The following ACBD6 variants were observed in gnomAD, a reference collection of about 807,000 sequenced individuals.
ACBD6 encodes acyl-CoA binding domain containing 6, also known as acyl-CoA-binding domain-containing protein 6.
Under a neutral mutation model 37.2 loss-of-function variants are expected in ACBD6, and 28 were observed. The observed-to-expected ratio is 0.75, with a 90% CI of 0.56 to 1.03. ACBD6 has a LOEUF of 1.03. Among genes scored for constraint, ACBD6 ranks in the 50% least tolerant of loss-of-function variants. The pLI is 0.00. For missense variants in ACBD6, 340 were observed against 337.4 expected (o/e 1.01, Z -0.06); for synonymous variants, 113 against 126.8 (o/e 0.89, Z 0.73).
At chr1:180,429,972 C>A (rs1466657292) in intron 4 of ACBD6, among the ~76,000 whole-genome samples, 1 of 152,100 alleles carries the variant, frequency 6.6e-6, no homozygotes, top group Non-Finnish European at 1.5e-5. Context: ...AGATTATACA[C>A]CTAAAAAATT....
chr1:180,401,796 A>AG (rs1375516654), intron 5 of ACBD6, among the ~76,000 whole-genome samples: 1 of 151,608 alleles, frequency 6.6e-6, no homozygotes, highest in Non-Finnish European at 1.5e-5. Flanking sequence ...CAGAAAAAAA[A>AG]AAAAAAAATG....
At chr1:180,294,666 A>G (rs139331675) in intron 7 of ACBD6, among the ~76,000 whole-genome samples, 1 of 151,296 alleles carries the variant, frequency 6.6e-6, no homozygotes, top group African/African-American at 2.4e-5. Context: ...ATGTACTGAT[A>G]TCCTTTCATT....
At chr1:180,407,287 C>A (rs73035587) in intron 5 of ACBD6, among the ~76,000 whole-genome samples, 2 of 152,120 alleles carry the variant, frequency 1.3e-5, no homozygotes, top group Non-Finnish European at 2.9e-5. Flanking sequence ...TGAAATACAA[C>A]GTTCTGGCAG....
chr1:180,451,057 A>T (rs1387079356), intron 3 of ACBD6, among the ~76,000 whole-genome samples: 2 of 152,224 alleles, frequency 1.3e-5, no homozygotes, highest in Non-Finnish European at 2.9e-5. Context: ...AATAACCAAT[A>T]AATTCATTCT....
rs540221649 is a variant in ACBD6, at chr1:180,436,602, G to C, written c.385-6340C>G. Among the ~76,000 whole-genome samples the C allele has an allele frequency of 7.9e-5, 12 of 152,216 alleles. No homozygotes were observed. In the East Asian group the frequency reaches 2.3e-3, roughly 29 times the overall value. On this transcript the variant is annotated intron_variant, in intron 3 of 7. Coordinates refer to ENST00000367595, the MANE Select transcript of ACBD6 (RefSeq NM_032360.4). ...GAGCTCCACCTATAAGCTTAGAAGT[G>C]TCTGTATGATTGTAATCACATGGTG...
Position 180,288,251 on chromosome 1 carries a change from T to C in ACBD6, c.*112A>G. 1.4e-6 allele frequency: 2 copies of C among 1,461,962 alleles called. No individual in the cohort carries two copies. Among genetic ancestry groups the C allele is most frequent in the Non-Finnish European group, 9.4e-7 (1 of 1,062,154 alleles). 90.6% of individuals were successfully genotyped at this position (1,461,962 alleles called of 1,614,324 possible). A position where few individuals can be genotyped will look rare whatever the true frequency, so the allele number is the denominator to read the frequency against. On this transcript the variant is annotated 3_prime_UTR_variant, in exon 8 of 8. Coordinates refer to ENST00000367595, the MANE Select transcript of ACBD6 (RefSeq NM_032360.4). ...AAAATCCCAGTTCCACAGAACTGAT[T>C]TTATTAGCCAATACATACCAAAGAC...
chr1:180,423,586 T>C (rs1177664019), intron 4 of ACBD6, among the ~76,000 whole-genome samples: 2 of 152,108 alleles, frequency 1.3e-5, no homozygotes, highest in African/African-American at 4.8e-5. Flanking sequence ...TTTCTCACAA[T>C]CTTTCAATAA....
chr1:180,423,934 G>C (rs569646261), intron 4 of ACBD6, among the ~76,000 whole-genome samples: 6 of 151,994 alleles, frequency 3.9e-5, no homozygotes, highest in South Asian at 4.1e-4. Context: ...CGATCCAAAG[G>C]AAATATCATC....
At chr1:180,381,829 C>T (rs900824561) in intron 6 of ACBD6, among the ~76,000 whole-genome samples, 4 of 151,984 alleles carry the variant, frequency 2.6e-5, no homozygotes, top group Non-Finnish European at 4.4e-5. Context: ...CAAGAACACC[C>T]AGGTGCAGTG....
intron 5 of ACBD6, among the ~76,000 whole-genome samples, chr1:180,412,826 C>A (rs1647914514): frequency 6.6e-6 from 1 of 152,078 alleles, no homozygotes; most frequent in Non-Finnish European, 1.5e-5. Context: ...TGAGCGCACC[C>A]ATGCACTCCA....
intron 6 of ACBD6, among the ~76,000 whole-genome samples, chr1:180,342,903 A>T (rs974512901): frequency 6.6e-6 from 1 of 152,016 alleles, no homozygotes; most frequent in African/African-American, 2.4e-5. Flanking sequence ...TTCTAGATTT[A>T]AATTGATTGA....
intron 3 of ACBD6, among the ~76,000 whole-genome samples, chr1:180,459,154 C>G (rs1042816526): frequency 6.6e-6 from 1 of 152,132 alleles, no homozygotes; most frequent in Non-Finnish European, 1.5e-5. Context: ...GGTAGTCTAA[C>G]AGATAACTTA....
chr1:180,356,758 G>T (rs1165196223), intron 6 of ACBD6, among the ~76,000 whole-genome samples: 1 of 151,656 alleles, frequency 6.6e-6, no homozygotes, highest in Admixed American at 6.6e-5. Context: ...GCTGAGGTGG[G>T]AGGATGGCTT....
At position 180,397,611 on chromosome 1, in the gene ACBD6, A is replaced by C; in HGVS notation, c.574-6T>G. On this transcript the variant is annotated splice_polypyrimidine_tract_variant and splice_region_variant and intron_variant, in intron 5 of 7. Coordinates refer to ENST00000367595, the MANE Select transcript of ACBD6 (RefSeq NM_032360.4). Reference sequence around the variant, plus strand: ...CAGTGAAGTAGAGCCCTACCCTAAAAACACAGAAGATAAATGAATTTGTTA... The same window carrying C: ...CAGTGAAGTAGAGCCCTACCCTAAACACACAGAAGATAAATGAATTTGTTA... 6.2e-7 allele frequency: 1 copy of C among 1,607,742 alleles called. No homozygotes were observed. Among genetic ancestry groups the C allele is most frequent in the Non-Finnish European group, 8.5e-7 (1 of 1,174,194 alleles).
At chr1:180,470,204 T>C (rs1650506223) in intron 3 of ACBD6, among the ~76,000 whole-genome samples, 3 of 152,144 alleles carry the variant, frequency 2.0e-5, no homozygotes, top group East Asian at 3.9e-4. Flanking sequence ...AAATAAAGCA[T>C]AGGATCATAA....
downstream of ACBD6, among the ~76,000 whole-genome samples, chr1:180,283,961 T>A (rs918738345): frequency 6.6e-6 from 1 of 152,114 alleles, no homozygotes; most frequent in Admixed American, 6.5e-5. Context: ...GCATTTCGGA[T>A]AAGGACTCGT....
At chr1:180,285,955 A>C (rs1405130799), downstream of ACBD6, among the ~76,000 whole-genome samples, 2 of 152,178 alleles carry the variant, frequency 1.3e-5, no homozygotes, top group African/African-American at 4.8e-5. Context: ...TAGGTTTAAA[A>C]GATTTAGTTA....
At chr1:180,299,039 A>T (rs1380833603) in intron 7 of ACBD6, among the ~76,000 whole-genome samples, 1 of 151,096 alleles carries the variant, frequency 6.6e-6, no homozygotes, top group Non-Finnish European at 1.5e-5. Context: ...TGTTGAAAAA[A>T]TATGCTTTGT....
At chr1:180,477,978 T>TAAAAAAAAA (rs58326495) in intron 3 of ACBD6, among the ~76,000 whole-genome samples, 2 of 145,080 alleles carry the variant, frequency 1.4e-5, no homozygotes, top group African/African-American at 2.6e-5. Context: ...TCCATCTCTT[T>TAAAAAAAAA]AAAAAAAAAA....
Sources: allele counts gnomAD v4.1 joint callset (sites outside exome capture counted in the v4.1 genomes callset), GRCh38; gene constraint gnomAD v4.1.1; transcripts MANE v1.5; gene names NCBI Gene and HGNC (gene_info 2026-07-23, HGNC 2026-07-21).